Variants in HSD11B1 observed in about 807,000 individuals in gnomAD.
HSD11B1 encodes hydroxysteroid 11-beta dehydrogenase 1, also known as 11-beta-hydroxysteroid dehydrogenase 1.
Under a neutral mutation model 22.1 loss-of-function variants are expected in HSD11B1, and 15 were observed. That is an observed-to-expected ratio of 0.68 (90% CI 0.45 to 1.04). HSD11B1 has a LOEUF of 1.04. HSD11B1 is among the 50% of genes least tolerant of loss of function. The pLI is 0.00. For synonymous variants in HSD11B1, 122 were observed against 125.2 expected, an observed-to-expected ratio of 0.97 and a Z score of 0.17; for missense variants, 281 against 357.6, an observed-to-expected ratio of 0.79 and a Z score of 1.73.
rs1362077726 is a variant in HSD11B1 at position 209,706,256 on chromosome 1, G to C, written c.219+315G>C. Among the ~76,000 whole-genome samples, 1 of 152,148 alleles carries C rather than the reference G, an allele frequency of 6.6e-6. No individual in the cohort carries two copies. Among genetic ancestry groups the C allele is most frequent in the Non-Finnish European group, 1.5e-5 (1 of 68,030 alleles). ...ACACATGGAACTACAGATACATACG[G>C]ATGTTTTCAAAAACTGAAATCCCAG... On this transcript the variant is annotated intron_variant, in intron 2 of 5. Coordinates refer to ENST00000367027, the MANE Select transcript of HSD11B1 (RefSeq NM_005525.4). This position sits in a 1 kb window ranked among gnomAD's most constrained non-coding sequence, Gnocchi z 4.0.
chr1:209,709,126 T>C (rs1471414621), intron 4 of HSD11B1, among the ~76,000 whole-genome samples: 1 of 152,202 alleles, frequency 6.6e-6, no homozygotes, highest in Non-Finnish European at 1.5e-5. Context: ...ATCAAGTTGA[T>C]CTTAAGGTCA....
At chr1:209,716,670 G>T (rs1239770549) in intron 4 of HSD11B1, among the ~76,000 whole-genome samples, 1 of 151,942 alleles carries the variant, frequency 6.6e-6, no homozygotes, top group Non-Finnish European at 1.5e-5. Context: ...ATATATTAAA[G>T]GCTATAGTAA....
chr1:209,718,897 G>A lies in HSD11B1; in HGVS notation c.517+11769G>A, dbSNP rs1307085400. ...TAGCTGGGCATGGTGGCAGGTGCCT[G>A]TAATCCCAGCTTCTCAGGAGGCTGA... On this transcript the variant is annotated intron_variant, in intron 4 of 5. Coordinates refer to ENST00000367027, the MANE Select transcript of HSD11B1 (RefSeq NM_005525.4). 2.0e-5 allele frequency among the ~76,000 whole-genome samples: 3 copies of A among 151,864 alleles called. No individual in the cohort carries two copies. In the East Asian group the frequency reaches 5.8e-4, roughly 30 times the overall value.
Position 209,705,793 on chromosome 1 carries a change from C to G in HSD11B1, c.89-18C>G. ...GCCAACTTGGGTATGGTCCTCACTT[C>G]CTTTTGGGGTTCCCCAGAGATGCTC... On this transcript the variant is annotated intron_variant, in intron 1 of 5. Coordinates refer to ENST00000367027, the MANE Select transcript of HSD11B1 (RefSeq NM_005525.4). 6.2e-7 allele frequency: 1 copy of G among 1,613,308 alleles called. No individual in the cohort carries two copies. Among genetic ancestry groups the G allele is most frequent in the Non-Finnish European group, 8.5e-7 (1 of 1,179,608 alleles).
intron 4 of HSD11B1, among the ~76,000 whole-genome samples, chr1:209,721,776 TG>T (rs1359058370): frequency 6.6e-6 from 1 of 152,246 alleles, no homozygotes; most frequent in Non-Finnish European, 1.5e-5. Context: ...ACTGGGCCTC[TG>T]GGAAGCCAAT....
upstream of HSD11B1, among the ~76,000 whole-genome samples, chr1:209,703,421 A>C (rs1237582403): frequency 6.6e-6 from 1 of 152,212 alleles, no homozygotes. Context: ...TGTAGCTTGC[A>C]GTTCTAAAGG....
At chr1:209,727,193 G>T (rs1350478975) in intron 4 of HSD11B1, among the ~76,000 whole-genome samples, 1 of 152,194 alleles carries the variant, frequency 6.6e-6, no homozygotes, top group Admixed American at 6.5e-5. Context: ...GGAGTTGCCA[G>T]CACAACTCAG....
intron 4 of HSD11B1, among the ~76,000 whole-genome samples, chr1:209,711,542 T>C (rs2076895316): frequency 6.6e-6 from 1 of 152,060 alleles, no homozygotes; most frequent in African/African-American, 2.4e-5. Flanking sequence ...AGCATTTACA[T>C]GAGGGATGGG....
At chr1:209,688,062 C>G (rs532859485) in intron 1 of HSD11B1, among the ~76,000 whole-genome samples, 3 of 152,316 alleles carry the variant, frequency 2.0e-5, no homozygotes, top group East Asian at 3.9e-4. Flanking sequence ...ATTTCTGGAG[C>G]TCTTGTTGGT....
chr1:209,712,414 C>G (rs2076903434), intron 4 of HSD11B1, among the ~76,000 whole-genome samples: 1 of 152,054 alleles, frequency 6.6e-6, no homozygotes, highest in Non-Finnish European at 1.5e-5. Context: ...ATGCTGGGTA[C>G]TATGTTGAAT....
intron 4 of HSD11B1, among the ~76,000 whole-genome samples, chr1:209,718,259 A>G (rs1364631377): frequency 3.9e-5 from 6 of 152,174 alleles, no homozygotes; most frequent in Non-Finnish European, 7.3e-5. Flanking sequence ...ACACAGAAAT[A>G]ATAAATGCTT....
upstream of HSD11B1, among the ~76,000 whole-genome samples, chr1:209,703,832 T>C (rs534400885): frequency 6.6e-6 from 1 of 152,318 alleles, no homozygotes; most frequent in South Asian, 2.1e-4. Context: ...TTTCCATGAG[T>C]TGATTGGTTG....
intron 1 of HSD11B1, among the ~76,000 whole-genome samples, chr1:209,686,498 G>A (rs1377587379): frequency 2.0e-5 from 3 of 152,184 alleles, no homozygotes; most frequent in African/African-American, 4.8e-5. Flanking sequence ...TAGGAGGGAT[G>A]ATATGATAAG....
At chr1:209,709,545 C>T (rs2076881403) in intron 4 of HSD11B1, among the ~76,000 whole-genome samples, 1 of 152,178 alleles carries the variant, frequency 6.6e-6, no homozygotes, top group African/African-American at 2.4e-5. Flanking sequence ...ATTTATCTCA[C>T]ACAAAACACC....
chr1:209,733,879 T>G (rs2077050369), intron 5 of HSD11B1, among the ~76,000 whole-genome samples: 1 of 152,140 alleles, frequency 6.6e-6, no homozygotes, highest in African/African-American at 2.4e-5. Context: ...CTTGTGTATC[T>G]CTTCCTTTTA....
At chr1:209,694,128 T>C (rs1310370314) in intron 1 of HSD11B1, among the ~76,000 whole-genome samples, 6 of 152,194 alleles carry the variant, frequency 3.9e-5, no homozygotes, top group Non-Finnish European at 8.8e-5. Flanking sequence ...TCTACTCCTA[T>C]GGTTGCAACA....
chr1:209,727,679 TC>T (rs1055351417), intron 4 of HSD11B1, among the ~76,000 whole-genome samples: 1 of 152,186 alleles, frequency 6.6e-6, no homozygotes, highest in Non-Finnish European at 1.5e-5. Context: ...ATCCTGCTTC[TC>T]CCACTCATTA....
upstream of HSD11B1, among the ~76,000 whole-genome samples, chr1:209,701,154 T>C (rs1386045623): frequency 6.6e-6 from 1 of 152,172 alleles, no homozygotes; most frequent in East Asian, 1.9e-4. Flanking sequence ...CGTACCAATT[T>C]ACCGTATTAG....
chr1:209,707,941 T>G (rs1420540359), intron 4 of HSD11B1, among the ~76,000 whole-genome samples: 19 of 150,118 alleles, frequency 1.3e-4, no homozygotes, highest in African/African-American at 3.9e-4. Context: ...AAAAAAAAGA[T>G]GAACAGACCT....
Sources: allele counts gnomAD v4.1 joint callset (sites outside exome capture counted in the v4.1 genomes callset), GRCh38; gene constraint gnomAD v4.1.1; non-coding constraint Gnocchi (gnomAD v3.1); transcripts MANE v1.5; gene names NCBI Gene and HGNC (gene_info 2026-07-23, HGNC 2026-07-21).